The following MOGAT3 variants were observed in gnomAD, a reference collection of about 807,000 sequenced individuals.
MOGAT3 encodes the protein monoacylglycerol O-acyltransferase 3, also known as 2-acylglycerol O-acyltransferase 3.
In MOGAT3, 39 loss-of-function variants were observed where a neutral mutation model predicts 34.4. That is an observed-to-expected ratio of 1.13 (90% CI 0.88 to 1.48). MOGAT3 has a LOEUF of 1.48. Ranked by LOEUF, MOGAT3 falls within the 40% of genes most tolerant of loss-of-function variation. The pLI is 0.00. For missense variants in MOGAT3, 439 were observed against 438.9 expected (o/e 1.00, Z 0.00); for synonymous variants, 209 against 179.2 (o/e 1.17, Z -1.33).
chr7:101,199,062 G>T (rs898387852), intron 3 of MOGAT3, among the ~76,000 whole-genome samples: 11 of 149,964 alleles, frequency 7.3e-5, no homozygotes, highest in African/African-American at 2.7e-4. Flanking sequence ...AAGTGCAGTG[G>T]CACGATCTCG....
intron 3 of MOGAT3, 130 bp from the exon 4 acceptor site, chr7:101,198,960 T>C: frequency 6.8e-6 from 5 of 730,740 alleles, no homozygotes; most frequent in Non-Finnish European, 1.1e-5. Context: ...CCCAGCAGAG[T>C]TCCGAGTTAA....
Position 101,198,754 on chromosome 7 carries a change from C to T in MOGAT3, c.365G>A (p.Gly122Asp). ...GAHPHGIMCT[G>D]FLCNFSTESN... ...CTCGGTGGAGAAATTACAGAGGAAG[C>T]CTGTACACATGATCCCATGAGGGTG... Residue 122 changes from glycine (G) to aspartate (D), a missense_variant, in exon 4 of 7, where the codon GGC (glycine) becomes GAC (aspartate). Coordinates refer to ENST00000223114, the MANE Select transcript of MOGAT3 (RefSeq NM_178176.4). 1.2e-6 allele frequency: 2 copies of T among 1,612,604 alleles called. No individual in the cohort carries two copies. Among genetic ancestry groups the T allele is most frequent in the South Asian group, 1.1e-5 (1 of 90,978 alleles).
rs749094886 is a variant in MOGAT3 at position 101,196,057 on chromosome 7, C to T, written c.915G>A (p.Glu305=). 3.1e-6 allele frequency: 5 copies of T among 1,613,582 alleles called. No homozygotes were observed. In the African/African-American group the frequency reaches 4.0e-5, roughly 13 times the overall value. Residue 305 remains glutamate (E), a synonymous_variant, in exon 7 of 7, where the codon GAG becomes GAA. Transcript: ENST00000223114. The part of the protein sequence containing the change: ...IPVPQRLHPT[E]EEVNHYHALY... ...GGGCGTGATAGTGATTGACTTCCTC[C>T]TCGGTGGGGTGGAGGCGCTGGGGGA...
chr7:101,198,418 C>T, intron 4 of MOGAT3, 53 bp from the exon 5 acceptor site: 2 of 1,489,934 alleles, frequency 1.3e-6, no homozygotes, highest in East Asian at 2.4e-5. Context: ...ACGGCACCCC[C>T]GCCCCTCACC....
Position 101,198,217 on chromosome 7 carries a change from G to C in MOGAT3, c.642C>G (p.Gly214=). 1 of 1,613,242 alleles carries C rather than the reference G, an allele frequency of 6.2e-7. No individual in the cohort carries two copies. The part of the protein sequence containing the change: ...EHCLTLQKRK[G]FVRLALRHGA... ...CGTGCCTCAGCGCCAGGCGCACGAA[G>C]CCTTTGCGCTTCTGGAGCGTAAGGC... The change falls in exon 5 of 7, where the codon GGC becomes GGG. Residue 214 remains glycine, a synonymous_variant. Coordinates refer to ENST00000223114, the MANE Select transcript of MOGAT3 (RefSeq NM_178176.4).
At chr7:101,196,554 G>C (rs566265159) in intron 5 of MOGAT3, among the ~76,000 whole-genome samples, 165 bp from the exon 6 acceptor site, 1 of 152,282 alleles carries the variant, frequency 6.6e-6, no homozygotes, top group South Asian at 2.1e-4. Flanking sequence ...GACAGGACTC[G>C]CATTTCTTTC....
chr7:101,198,486 G>A (rs1797861115), intron 4 of MOGAT3, 121 bp from the exon 5 acceptor site: 6 of 1,328,576 alleles, frequency 4.5e-6, no homozygotes, highest in East Asian at 5.0e-5. Flanking sequence ...CTACCCAAAT[G>A]CTCACTGCAA....
chr7:101,197,210 C>T (rs1268062187), intron 5 of MOGAT3, among the ~76,000 whole-genome samples: 3 of 152,024 alleles, frequency 2.0e-5, no homozygotes, highest in African/African-American at 7.2e-5. Flanking sequence ...AGAGACAAGG[C>T]CTTGCTCTCT....
intron 5 of MOGAT3, among the ~76,000 whole-genome samples, chr7:101,197,607 G>A (rs1480168596): frequency 6.6e-6 from 1 of 152,062 alleles, no homozygotes; most frequent in Non-Finnish European, 1.5e-5. Context: ...CGCAAGTAAA[G>A]AAACAAGTCC....
Position 101,195,792 on chromosome 7 carries a change from A to T in MOGAT3, c.*154T>A. The stretch of plus-strand genomic sequence containing the variant: ...GGTCTTCAACTCCTGGGCTCAAACG[A>T]TCCTCCCACCTTGGCCTCCCAAAGT... On this transcript the variant is annotated 3_prime_UTR_variant, in exon 7 of 7. Transcript: ENST00000223114. The T allele has an allele frequency of 2.6e-6, 2 of 763,922 alleles. No individual in the cohort carries two copies. Among genetic ancestry groups the T allele is most frequent in the Non-Finnish European group, 4.3e-6 (2 of 467,606 alleles). 47.3% of individuals were successfully genotyped at this position (763,922 alleles called of 1,614,324 possible).
intron 5 of MOGAT3, 52 bp downstream of exon 5, chr7:101,198,139 G>C: frequency 6.4e-7 from 1 of 1,556,708 alleles, no homozygotes; most frequent in Non-Finnish European, 8.7e-7. Context: ...GGGACTGAGA[G>C]AGGGCATAAA....
rs1304992542 is a variant in MOGAT3 at position 101,195,998 on chromosome 7, T to TCC, written c.972_973dup (p.Glu325GlyfsTer29). 6.2e-7 allele frequency: 1 copy of TCC among 1,613,990 alleles called. No homozygotes were observed. The highest frequency in any genetic ancestry group is 8.5e-7 in the Non-Finnish European group (1 of 1,180,034). On this transcript the variant is annotated frameshift_variant, in exon 7 of 7. Transcript: ENST00000223114. LOFTEE classifies it high-confidence loss of function. ...GGGGACCCCACAGCTTTCCTTGTGC[T>TCC]CCTCGAAGAGCTGCTCCAGGGCCGT...
In MOGAT3 at chr7:101,198,274, G is replaced by C. The variant is rs143164243; in HGVS notation, c.585C>G (p.His195Gln). The C allele has an allele frequency of 2.5e-6, 4 of 1,611,282 alleles. No individual in the cohort carries two copies. Among genetic ancestry groups the C allele is most frequent in the South Asian group, 1.1e-5 (1 of 90,884 alleles). ...CCCCGGGGACTGAATACAGGGCCTC[G>C]TGCGCACCCCCCACCATGATGACCA... ...QAVVIMVGGA[H>Q]EALYSVPGEH... is the part of the protein sequence containing the mutation. Residue 195 changes from histidine (H) to glutamine (Q), a missense_variant, in exon 5 of 7, where the codon CAC becomes CAG. By Grantham distance (24) the His-to-Gln change is conservative. Coordinates refer to ENST00000223114, the MANE Select transcript of MOGAT3 (RefSeq NM_178176.4).
In MOGAT3 at chr7:101,200,788, C is replaced by T. The variant is rs1161462198; in HGVS notation, c.67G>A (p.Ala23Thr). ...SKTLQKQHLEAVGAYQYVLTF... is the reference protein window; with the variant it reads ...SKTLQKQHLETVGAYQYVLTF... ...AGCACATATTGGTAGGCGCCCACTG[C>T]TTCTAGATGCTGCTTCTGCAAGGTT... Residue 23 changes from alanine to threonine, a missense_variant, in exon 1 of 7, where the codon GCA becomes ACA. Physicochemically the swap from Ala to Thr is moderately conservative, Grantham distance 58. Transcript: ENST00000223114. 3.1e-6 allele frequency: 5 copies of T among 1,614,078 alleles called. No homozygotes were observed. The Admixed American group carries it at 6.7e-5, about 22-fold the overall frequency.
rs755711569 is a variant in MOGAT3 at position 101,196,021 on chromosome 7, C to T, written c.951G>A (p.Thr317=). 1.2e-5 allele frequency: 19 copies of T among 1,613,900 alleles called. No individual in the cohort carries two copies. Among genetic ancestry groups the T allele is most frequent in the East Asian group, 2.2e-5 (1 of 44,874 alleles). The change falls in exon 7 of 7, where the codon ACG becomes ACA. Residue 317 remains threonine, a synonymous_variant. Coordinates refer to ENST00000223114, the MANE Select transcript of MOGAT3 (RefSeq NM_178176.4). ...EVNHYHALYM[T]ALEQLFEEHK... ...GCTCCTCGAAGAGCTGCTCCAGGGC[C>T]GTCATGTAGAGGGCGTGATAGTGAT...
At chr7:101,196,446 G>T in intron 5 of MOGAT3, 57 bp from the exon 6 acceptor site, 1 of 1,334,376 alleles carries the variant, frequency 7.5e-7, no homozygotes, top group Non-Finnish European at 1.0e-6. Flanking sequence ...TCCGAGATGG[G>T]CACCCCCAGG....
At chr7:101,197,277 C>T (rs558132855) in intron 5 of MOGAT3, among the ~76,000 whole-genome samples, 81 of 152,242 alleles carry the variant, frequency 5.3e-4, no homozygotes, top group Admixed American at 7.8e-4. Flanking sequence ...CAACCTTCTC[C>T]GCTCAAGCCA....
Position 101,196,570 on chromosome 7 carries a change from C to G in MOGAT3, c.669-181G>C, listed in dbSNP as rs116134359. ...ACAGGACTCGCATTTCTTTCTCTTT[C>G]TTTTTCTTTGTTTTAGAGAGAGGGT... On this transcript the variant is annotated intron_variant, in intron 5 of 6. Transcript: ENST00000223114. Among the ~76,000 whole-genome samples the G allele has an allele frequency of 9.6e-3, 1,468 of 152,270 alleles. 30 individuals carry two copies. Among genetic ancestry groups the G allele is most frequent in the African/African-American group, 0.034 (1,396 of 41,540 alleles).
chr7:101,198,501 G>T, intron 4 of MOGAT3, 125 bp downstream of exon 4: 2 of 1,320,662 alleles, frequency 1.5e-6, no homozygotes, highest in Non-Finnish European at 2.1e-6. Flanking sequence ...CTGCAAGTCT[G>T]GGCAGTGCTC....
Sources: allele counts gnomAD v4.1 joint callset (sites outside exome capture counted in the v4.1 genomes callset), GRCh38; gene constraint gnomAD v4.1.1; transcripts MANE v1.5; gene names NCBI Gene and HGNC (gene_info 2026-07-23, HGNC 2026-07-21).